The following TAFA1 variants were observed in gnomAD, a reference collection of about 807,000 sequenced individuals.
TAFA1 encodes the protein chemokine-like protein TAFA-1.
A neutral mutation model predicts 18.5 loss-of-function variants in TAFA1; 4 were observed. The ratio of observed to expected loss-of-function variants is 0.22; its 90% CI spans 0.11 to 0.49. The LOEUF (loss-of-function observed/expected upper bound fraction) is 0.49, where lower values mean the gene tolerates loss of function less well. Ranked by LOEUF, TAFA1 falls within the 20% of genes least tolerant of loss-of-function variation. The pLI, the probability that TAFA1 is intolerant of heterozygous loss-of-function variation, is 0.98. For missense variants in TAFA1, 147 were observed against 169.0 expected (o/e 0.87, Z 0.72); for synonymous variants, 56 against 55.2 (o/e 1.01, Z -0.06).
At chr3:68,408,022 T>C (rs2070643493) in intron 2 of TAFA1, among the ~76,000 whole-genome samples, 1 of 152,150 alleles carries the variant, frequency 6.6e-6, no homozygotes, top group Non-Finnish European at 1.5e-5. Context: ...AACACAGTAT[T>C]AAATATGCAT....
At chr3:68,118,583 T>C (rs1019186065) in intron 2 of TAFA1, among the ~76,000 whole-genome samples, 7 of 152,158 alleles carry the variant, frequency 4.6e-5, no homozygotes, top group African/African-American at 1.7e-4. Context: ...TTTCTATACA[T>C]TCGACTACTG....
intron 2 of TAFA1, among the ~76,000 whole-genome samples, chr3:68,188,261 T>G (rs1383521737): frequency 6.6e-6 from 1 of 151,864 alleles, no homozygotes; most frequent in African/African-American, 2.4e-5. Flanking sequence ...TTTTTGGACA[T>G]TGATAGGAAT....
intron 3 of TAFA1, among the ~76,000 whole-genome samples, chr3:68,537,561 G>T (rs1172978482): frequency 6.6e-6 from 1 of 152,104 alleles, no homozygotes; most frequent in African/African-American, 2.4e-5. Context: ...AAAAGTGTCA[G>T]ACTCTCAGTT....
upstream of TAFA1, among the ~76,000 whole-genome samples, chr3:67,999,377 A>G (rs1704260217): frequency 6.6e-6 from 1 of 151,852 alleles, no homozygotes; most frequent in Non-Finnish European, 1.5e-5. Flanking sequence ...TTGTATTCTA[A>G]CATCATCTAT....
intron 2 of TAFA1, among the ~76,000 whole-genome samples, chr3:68,089,687 C>T (rs1433128604): frequency 1.3e-5 from 2 of 152,140 alleles, no homozygotes; most frequent in Non-Finnish European, 2.9e-5. Flanking sequence ...GTGGTCCTGA[C>T]CCCTCTTGCC....
chr3:68,140,326 T>C (rs1419013470), intron 2 of TAFA1, among the ~76,000 whole-genome samples: 1 of 152,186 alleles, frequency 6.6e-6, no homozygotes, highest in Non-Finnish European at 1.5e-5. Context: ...GCTTGGGCAT[T>C]TTTCAGAGGT....
intron 2 of TAFA1, among the ~76,000 whole-genome samples, chr3:68,198,533 ATT>A (rs1491366675): frequency 1.3e-5 from 2 of 151,670 alleles, no homozygotes; most frequent in African/African-American, 4.8e-5. Flanking sequence ...CTCACCCAGC[ATT>A]TAGTGTTGTC....
intron 2 of TAFA1, among the ~76,000 whole-genome samples, chr3:68,083,212 AT>A (rs2064926768): frequency 6.6e-6 from 1 of 152,180 alleles, no homozygotes; most frequent in Admixed American, 6.5e-5. Flanking sequence ...CAGAAACAAA[AT>A]ACATTCTGGG....
intron 2 of TAFA1, among the ~76,000 whole-genome samples, chr3:68,114,430 G>A (rs914278597): frequency 6.6e-6 from 1 of 152,106 alleles, no homozygotes; most frequent in African/African-American, 2.4e-5. Context: ...AATAGGCAAG[G>A]GTCTTAAAAT....
At chr3:68,472,833 T>A (rs989610111) in intron 3 of TAFA1, among the ~76,000 whole-genome samples, 1 of 152,182 alleles carries the variant, frequency 6.6e-6, no homozygotes. Flanking sequence ...ACTTGTCTAA[T>A]AAGTTACTTT....
At chr3:68,071,635 T>G (rs966353302) in intron 2 of TAFA1, among the ~76,000 whole-genome samples, 1 of 152,188 alleles carries the variant, frequency 6.6e-6, no homozygotes, top group Non-Finnish European at 1.5e-5. Flanking sequence ...TGTGCCTCAG[T>G]TCCCCCTCTG....
chr3:68,049,311 G>C (rs1161149163), intron 2 of TAFA1, among the ~76,000 whole-genome samples: 1 of 152,130 alleles, frequency 6.6e-6, no homozygotes, highest in African/African-American at 2.4e-5. Flanking sequence ...AGCAGCTCTT[G>C]CTCAGCCACC....
chr3:68,109,155 G>C (rs1010602470), intron 2 of TAFA1, among the ~76,000 whole-genome samples: 27 of 151,948 alleles, frequency 1.8e-4, no homozygotes, highest in African/African-American at 6.3e-4. Context: ...CCTTTGGATA[G>C]GTTAGAAGCA....
chr3:68,323,499 T>C (rs531900632), intron 2 of TAFA1, among the ~76,000 whole-genome samples: 1 of 152,338 alleles, frequency 6.6e-6, no homozygotes, highest in East Asian at 1.9e-4. Context: ...AGGTCAGTGA[T>C]TGACAATTCT....
chr3:68,440,607 C>T (rs1043331799), intron 3 of TAFA1, among the ~76,000 whole-genome samples: 3 of 152,120 alleles, frequency 2.0e-5, no homozygotes, highest in Admixed American at 2.0e-4. Context: ...CAGCAAATGC[C>T]TCAAGAGGTC....
upstream of TAFA1, among the ~76,000 whole-genome samples, chr3:68,000,994 CA>C (rs943290074): frequency 6.6e-6 from 1 of 151,606 alleles, no homozygotes; most frequent in African/African-American, 2.4e-5. Context: ...TTTTGTAAAC[CA>C]AAAAAACATA....
chr3:68,328,751 C>T (rs1006247391), intron 2 of TAFA1, among the ~76,000 whole-genome samples: 11 of 151,988 alleles, frequency 7.2e-5, no homozygotes, highest in African/African-American at 2.2e-4. Context: ...AAAATAAACT[C>T]TTTATATATA....
At chr3:68,047,879 A>G (rs1249748882) in intron 2 of TAFA1, among the ~76,000 whole-genome samples, 1 of 152,090 alleles carries the variant, frequency 6.6e-6, no homozygotes, top group Non-Finnish European at 1.5e-5. Context: ...TCACTCTCCT[A>G]CGAGAGAGGG....
At chr3:68,024,805 G>GCACACACACACACACACA (rs3037727) in intron 2 of TAFA1, among the ~76,000 whole-genome samples, 2,041 of 73,574 alleles carry the variant, frequency 0.028, 22 homozygotes, top group Middle Eastern at 0.04. Context: ...TCTCCTTAAT[G>GCACACACACACACACACA]CACACACACA....
Sources: allele counts gnomAD v4.1 joint callset (sites outside exome capture counted in the v4.1 genomes callset), GRCh38; gene constraint gnomAD v4.1.1; transcripts MANE v1.5; gene names NCBI Gene and HGNC (gene_info 2026-07-23, HGNC 2026-07-21).